The following BMP6 variants were observed in gnomAD, a reference collection of about 807,000 sequenced individuals.
The protein encoded by BMP6 is VG-1-R.
Under a neutral mutation model 54.1 loss-of-function variants are expected in BMP6, and 17 were observed. That is an observed-to-expected ratio of 0.31 (90% confidence interval 0.22 to 0.47). The LOEUF is 0.47. BMP6 is among the 20% of genes least tolerant of loss of function. The probability of loss-of-function intolerance (pLI) is 1.00; values close to 1 mark genes in which losing one functional copy is unlikely to be tolerated. For missense variants in BMP6, 720 were observed against 690.4 expected (o/e 1.04, Z -0.48); for synonymous variants, 328 against 291.2 (o/e 1.13, Z -1.28).
chr6:7,775,732 C>T (rs927484928), intron 1 of BMP6, among the ~76,000 whole-genome samples: 1 of 152,174 alleles, frequency 6.6e-6, no homozygotes, highest in Non-Finnish European at 1.5e-5. Context: ...CTTTTTCTTC[C>T]AGGCGTCTGG....
intron 1 of BMP6, among the ~76,000 whole-genome samples, chr6:7,760,613 G>A (rs1202639409): frequency 2.0e-5 from 3 of 152,030 alleles, no homozygotes; most frequent in African/African-American, 4.8e-5. Flanking sequence ...GATTACAGAC[G>A]CCTGCCACCA....
intron 1 of BMP6, among the ~76,000 whole-genome samples, chr6:7,831,456 A>AT (rs1758792190): frequency 6.6e-6 from 1 of 152,146 alleles, no homozygotes; most frequent in African/African-American, 2.4e-5. Flanking sequence ...TGTTATGTAA[A>AT]TTTTACCTCA....
At chr6:7,817,270 T>TA (rs1179031222) in intron 1 of BMP6, among the ~76,000 whole-genome samples, 3 of 152,188 alleles carry the variant, frequency 2.0e-5, no homozygotes, top group African/African-American at 7.2e-5. Flanking sequence ...CTGGACTTCT[T>TA]ATCTTTTCAG....
chr6:7,840,575 G>A lies in BMP6; in HGVS notation c.665-4565G>A, dbSNP rs140778471. On this transcript the variant is annotated intron_variant, in intron 1 of 6. Coordinates refer to ENST00000283147, the MANE Select transcript of BMP6 (RefSeq NM_001718.6). ...AGAAATTTCCACTGGGATGGTCTGAGGCAGAAAGGAGAGAAGGAAGTGAGT... is the reference window on the plus strand; with the variant it reads ...AGAAATTTCCACTGGGATGGTCTGAAGCAGAAAGGAGAGAAGGAAGTGAGT... Among the ~76,000 whole-genome samples the A allele has an allele frequency of 7.9e-5, 12 of 152,256 alleles. No homozygotes were observed. In the East Asian group the frequency reaches 2.1e-3, roughly 27 times the overall value.
intron 1 of BMP6, among the ~76,000 whole-genome samples, chr6:7,819,761 A>G (rs1758580395): frequency 6.6e-6 from 1 of 152,206 alleles, no homozygotes; most frequent in South Asian, 2.1e-4. Flanking sequence ...TTGTTTTTCC[A>G]TCTTCCAGCT....
intron 1 of BMP6, among the ~76,000 whole-genome samples, chr6:7,746,339 T>A (rs1045876990): frequency 6.6e-6 from 1 of 152,190 alleles, no homozygotes; most frequent in Non-Finnish European, 1.5e-5. Flanking sequence ...TTAGTAAGAC[T>A]GTGGAATGAC....
intron 1 of BMP6, among the ~76,000 whole-genome samples, chr6:7,732,394 C>T (rs1761878605): frequency 6.6e-6 from 1 of 152,194 alleles, no homozygotes; most frequent in African/African-American, 2.4e-5. Flanking sequence ...ATTGTTCAGA[C>T]CTCAGATGGT....
chr6:7,869,969 T>C (rs1414465256), intron 4 of BMP6, among the ~76,000 whole-genome samples: 1 of 152,092 alleles, frequency 6.6e-6, no homozygotes, highest in Non-Finnish European at 1.5e-5. Flanking sequence ...AAGGGAGCTA[T>C]GGCCCCTCCA....
At chr6:7,813,868 T>G (rs1431795575) in intron 1 of BMP6, among the ~76,000 whole-genome samples, 1 of 152,160 alleles carries the variant, frequency 6.6e-6, no homozygotes. Flanking sequence ...CTTTTCTGAT[T>G]TCCTCTACGG....
At chr6:7,753,996 T>G (rs945610982) in intron 1 of BMP6, among the ~76,000 whole-genome samples, 1 of 152,220 alleles carries the variant, frequency 6.6e-6, no homozygotes, top group African/African-American at 2.4e-5. Flanking sequence ...ATAATATGGT[T>G]GATCTTGGTG....
chr6:7,790,605 G>C (rs1230883878), intron 1 of BMP6, among the ~76,000 whole-genome samples: 5 of 146,774 alleles, frequency 3.4e-5, no homozygotes, highest in Non-Finnish European at 7.4e-5. Context: ...TTGTTTTCAA[G>C]TAAGCTTCTC....
chr6:7,791,093 TC>T (rs1274231329), intron 1 of BMP6, among the ~76,000 whole-genome samples: 1 of 152,182 alleles, frequency 6.6e-6, no homozygotes, highest in Non-Finnish European at 1.5e-5. Context: ...TTCCTTCTCT[TC>T]TGCTCCCCTT....
chr6:7,737,710 T>C (rs1409254007), intron 1 of BMP6, among the ~76,000 whole-genome samples: 2 of 152,158 alleles, frequency 1.3e-5, no homozygotes, highest in East Asian at 3.8e-4. Context: ...CTTTCGTATG[T>C]GCTCTTACCT....
chr6:7,763,821 C>T (rs886347584), intron 1 of BMP6, among the ~76,000 whole-genome samples: 1 of 152,320 alleles, frequency 6.6e-6, no homozygotes, highest in Non-Finnish European at 1.5e-5. Context: ...CAAGTTTGCC[C>T]TCCATGGTGA....
At chr6:7,813,823 G>A (rs1452259509) in intron 1 of BMP6, among the ~76,000 whole-genome samples, 3 of 152,030 alleles carry the variant, frequency 2.0e-5, no homozygotes, top group Non-Finnish European at 4.4e-5. Flanking sequence ...CCTAAAGAGT[G>A]ACCCCCTCAC....
chr6:7,862,201 G>T (rs1464407401), intron 3 of BMP6, 100 bp from the exon 4 acceptor site: 7 of 1,368,400 alleles, frequency 5.1e-6, no homozygotes, highest in Non-Finnish European at 6.2e-6. Context: ...CATTCTTAAG[G>T]ATTAGCACTT....
intron 4 of BMP6, among the ~76,000 whole-genome samples, chr6:7,873,925 C>T (rs377710183): frequency 2.6e-5 from 4 of 151,926 alleles, no homozygotes; most frequent in Non-Finnish European, 4.4e-5. Context: ...TAGCACGAGA[C>T]GGTATTTTGG....
intron 1 of BMP6, among the ~76,000 whole-genome samples, chr6:7,728,342 C>A (rs1009182084): frequency 3.9e-5 from 6 of 152,198 alleles, no homozygotes; most frequent in Non-Finnish European, 8.8e-5. Flanking sequence ...ATCAATGCAG[C>A]CCAAGCTGCA....
At chr6:7,729,686 T>C (rs1217996650) in intron 1 of BMP6, among the ~76,000 whole-genome samples, 2 of 152,104 alleles carry the variant, frequency 1.3e-5, no homozygotes, top group Admixed American at 6.5e-5. Context: ...GAGATCCCAA[T>C]GTCTGAAGGA....
Sources: allele counts gnomAD v4.1 joint callset (sites outside exome capture counted in the v4.1 genomes callset), GRCh38; gene constraint gnomAD v4.1.1; transcripts MANE v1.5; gene names NCBI Gene and HGNC (gene_info 2026-07-23, HGNC 2026-07-21).